Variants in PCLO observed in about 807,000 individuals in gnomAD.
The protein encoded by PCLO is protein piccolo.
In PCLO, 82 loss-of-function variants were observed where a neutral mutation model predicts 427.5. The ratio of observed to expected loss-of-function variants is 0.19; its 90% CI spans 0.16 to 0.23. The LOEUF is 0.23. Ranked by LOEUF, PCLO falls within the 10% of genes least tolerant of loss-of-function variation. PCLO has a pLI of 1.00. For missense variants in PCLO, 6,239 were observed against 6,115.9 expected (o/e 1.02, Z -0.67); for synonymous variants, 2,357 against 2,155.4 (o/e 1.09, Z -2.59).
At chr7:82,779,499 T>C (rs1790823665) in intron 22 of PCLO, among the ~76,000 whole-genome samples, 2 of 152,298 alleles carry the variant, frequency 1.3e-5, no homozygotes, top group African/African-American at 4.8e-5. Context: ...GATTTGGAAT[T>C]AATCATGTGT....
intron 3 of PCLO, among the ~76,000 whole-genome samples, chr7:83,133,158 T>C (rs1030353555): frequency 2.0e-5 from 3 of 152,022 alleles, no homozygotes; most frequent in Admixed American, 6.5e-5. Flanking sequence ...TTTTCTATGG[T>C]TTATTTTTTA....
intron 10 of PCLO, among the ~76,000 whole-genome samples, chr7:82,873,264 C>CA (rs1197357742): frequency 6.9e-6 from 1 of 144,916 alleles, no homozygotes; most frequent in Middle Eastern, 3.8e-3. Flanking sequence ...AAATAGCATG[C>CA]ATCAGACCAT....
In PCLO at chr7:82,915,918, C is replaced by G; in HGVS notation, c.12068G>C (p.Ser4023Thr). The G allele has an allele frequency of 6.2e-7, 1 of 1,613,272 alleles. No homozygotes were observed. Among genetic ancestry groups the G allele is most frequent in the Non-Finnish European group, 8.5e-7 (1 of 1,179,778 alleles). The change falls in exon 7 of 25, where the codon AGC (serine) becomes ACC (threonine). Residue 4023 changes from serine (S) to threonine (T), a missense_variant. Ser to Thr is a moderately conservative substitution (Grantham distance 58). Around this residue, in one of 5 missense-constraint regions of PCLO, gnomAD observed 680 missense variants for 677.3 expected, o/e 1.00. Coordinates refer to ENST00000333891, the MANE Select transcript of PCLO (RefSeq NM_033026.6). ...IGLEERSSMASSPISSISADS... is the reference protein window; with the variant it reads ...IGLEERSSMATSPISSISADS... ...TGCAGATATGCTTGATATTGGACTG[C>G]TTGCCATGCTACTTCTTTCCTCCAA...
At position 82,999,550 on chromosome 7, in the gene PCLO, ATAT is replaced by A. The variant is rs1356463753; in HGVS notation, c.3301-33066_3301-33064del. 1.9e-4 allele frequency among the ~76,000 whole-genome samples: 12 copies of A among 64,170 alleles called. 2 individuals are homozygous for A. Among genetic ancestry groups the A allele is most frequent in the African/African-American group, 4.0e-4 (3 of 7,552 alleles). The allele number at this position is 64,170 out of a possible 152,430, so 42.1% of individuals were successfully genotyped here. ...ATATTATATTAAAATATAAAATATA[ATAT>A]TATATTAAAATATAAAATATAATAT... On this transcript the variant is annotated intron_variant, in intron 3 of 24. Transcript: ENST00000333891.
At chr7:82,979,181 T>C (rs778090567) in intron 3 of PCLO, among the ~76,000 whole-genome samples, 11 of 152,126 alleles carry the variant, frequency 7.2e-5, no homozygotes, top group Non-Finnish European at 1.3e-4. Flanking sequence ...CTAAGTCTCA[T>C]ATATTGAGGT....
At position 82,944,257 on chromosome 7, in the gene PCLO, G is replaced by T. The variant is rs533282125; in HGVS notation, c.11112+5219C>A. On this transcript the variant is annotated intron_variant, in intron 6 of 24. Transcript: ENST00000333891. Reference sequence around the variant, plus strand: ...TTTATTTTTTGTTTCATGTGGGAGTGAGGGATTTATGAATCCTGCAAAATT... The same window carrying T: ...TTTATTTTTTGTTTCATGTGGGAGTTAGGGATTTATGAATCCTGCAAAATT... Among the ~76,000 whole-genome samples the T allele has an allele frequency of 3.3e-5, 5 of 151,684 alleles. No homozygotes were observed. The South Asian group carries it at 1.0e-3, about 32-fold the overall frequency.
At chr7:82,914,198 T>A (rs762964286) in intron 7 of PCLO, among the ~76,000 whole-genome samples, 3 of 152,018 alleles carry the variant, frequency 2.0e-5, no homozygotes, top group African/African-American at 7.2e-5. Context: ...TCTTCTGAAC[T>A]AATGAACACT....
chr7:82,859,617 C>G (rs1792903578), intron 10 of PCLO, among the ~76,000 whole-genome samples: 1 of 152,080 alleles, frequency 6.6e-6, no homozygotes, highest in Non-Finnish European at 1.5e-5. Flanking sequence ...ATCTGGAAAG[C>G]CTTCCCAAAA....
chr7:83,142,648 T>C (rs1384160701), intron 2 of PCLO, among the ~76,000 whole-genome samples: 2 of 152,128 alleles, frequency 1.3e-5, no homozygotes, highest in African/African-American at 2.4e-5. Flanking sequence ...TCTTGTCTCC[T>C]CATATAAACT....
Position 83,162,486 on chromosome 7 carries a change from G to T in PCLO, c.107C>A (p.Ala36Glu). 6.3e-7 allele frequency: 1 copy of T among 1,577,136 alleles called. No homozygotes were observed. ...ATCCGCCTCCATGCCGGCCGGGATC[G>T]CGGTGTGAGAGGGGCTCCCCGCCCC... is the stretch of plus-strand genomic sequence containing the variant. ...ASGAGSPSHTAIPAGMEADLS... is the reference protein window; with the variant it reads ...ASGAGSPSHTEIPAGMEADLS... The change falls in exon 1 of 25, where the codon GCG becomes GAG. Residue 36 changes from alanine (A) to glutamate (E), a missense_variant. Physicochemically the swap from Ala to Glu is moderately radical, Grantham distance 107. This residue lies in a region of PCLO where 4,677 missense variants were observed against 4,468.4 expected (regional missense o/e 1.05). Transcript: ENST00000333891.
intron 22 of PCLO, among the ~76,000 whole-genome samples, chr7:82,762,312 A>C (rs959490920): frequency 4.6e-5 from 7 of 152,094 alleles, no homozygotes; most frequent in African/African-American, 1.4e-4. Flanking sequence ...ATTAGGAAGG[A>C]CATTCCAGAG....
At position 82,755,843 on chromosome 7, in the gene PCLO, G is replaced by C. The variant is rs1296066615; in HGVS notation, c.*2732C>G. 2.0e-5 allele frequency: 3 copies of C among 152,076 alleles called. No homozygotes were observed. The East Asian group carries it at 5.8e-4, about 29-fold the overall frequency. 9.4% of individuals were successfully genotyped at this position (152,076 alleles called of 1,614,324 possible). On this transcript the variant is annotated 3_prime_UTR_variant, in exon 25 of 25. Transcript: ENST00000333891. ...TTCATATAAGGATCAGTGTTGCATA[G>C]AATAATTCCAGTACAACCTAGAAGT...
At chr7:83,117,094 G>C (rs772346663) in intron 3 of PCLO, among the ~76,000 whole-genome samples, 13 of 152,162 alleles carry the variant, frequency 8.5e-5, no homozygotes, top group Non-Finnish European at 1.8e-4. Context: ...TTTTTAAAAG[G>C]AGTTACTGAA....
intron 14 of PCLO, among the ~76,000 whole-genome samples, chr7:82,840,256 A>G (rs1476655374): frequency 6.6e-6 from 1 of 152,070 alleles, no homozygotes; most frequent in Non-Finnish European, 1.5e-5. Context: ...TACAGAGGTC[A>G]TCAGGGTAGT....
rs1304651887 is a variant in PCLO, at chr7:82,955,548, C to A, written c.5405G>T (p.Ser1802Ile). Reference protein sequence around the residue: ...QREIEQQQRKSSSKKSKKDKD... With the variant: ...QREIEQQQRKISSKKSKKDKD... ...GTCTTTCTTTGATTTTTTACTAGAA[C>A]TCTTTCTTTGTTGCTGTTCTATTTC... The change falls in exon 5 of 25, where the codon AGT (serine) becomes ATT (isoleucine). Residue 1802 changes from serine to isoleucine, a missense_variant. Transcript: ENST00000333891. 3 of 1,613,916 alleles carry A rather than the reference C, an allele frequency of 1.9e-6. No individual in the cohort carries two copies. Among genetic ancestry groups the A allele is most frequent in the East Asian group, 4.5e-5 (2 of 44,876 alleles).
At chr7:83,020,447 T>C (rs1788314792) in intron 3 of PCLO, among the ~76,000 whole-genome samples, 1 of 152,140 alleles carries the variant, frequency 6.6e-6, no homozygotes, top group African/African-American at 2.4e-5. Context: ...GATCCATCCT[T>C]ATGAATGGGT....
chr7:83,024,688 G>A (rs1039773536), intron 3 of PCLO, among the ~76,000 whole-genome samples: 1 of 152,208 alleles, frequency 6.6e-6, no homozygotes, highest in Admixed American at 6.5e-5. Context: ...AGTAACCTCT[G>A]CAGACTTAAA....
chr7:83,107,969 C>A (rs2116511693), intron 3 of PCLO, among the ~76,000 whole-genome samples: 1 of 114,494 alleles, frequency 8.7e-6, no homozygotes, highest in Non-Finnish European at 1.6e-5. Context: ...AGCCAGGTGA[C>A]AGAGTGAGAC....
Position 82,951,075 on chromosome 7 carries a change from C to T in PCLO, c.9513G>A (p.Glu3171=). ...ISASLQTITM[E]SLTAETIDSV... ...AGTCTATCGTCTCAGCAGTAAGAGA[C>T]TCCATAGTAATAGTTTGCAAACTGG... Residue 3171 remains glutamate (E), a synonymous_variant, in exon 6 of 25, where the codon GAG becomes GAA. Coordinates refer to ENST00000333891, the MANE Select transcript of PCLO (RefSeq NM_033026.6). 2 of 1,613,890 alleles carry T rather than the reference C, an allele frequency of 1.2e-6. No individual in the cohort carries two copies. Among genetic ancestry groups the T allele is most frequent in the Non-Finnish European group, 1.7e-6 (2 of 1,179,842 alleles).
Sources: allele counts gnomAD v4.1 joint callset (sites outside exome capture counted in the v4.1 genomes callset), GRCh38; gene constraint gnomAD v4.1.1; regional missense constraint gnomAD v4.1.1; transcripts MANE v1.5; gene names NCBI Gene and HGNC (gene_info 2026-07-23, HGNC 2026-07-21).